Variants in TAB2 observed in about 807,000 individuals in gnomAD.
TAB2 encodes the protein TGF-beta-activated kinase 1 and MAP3K7-binding protein 2.
In TAB2, 3 loss-of-function variants were observed where a neutral mutation model predicts 65.0. The ratio of observed to expected loss-of-function variants is 0.05; its 90% confidence interval spans 0.02 to 0.12. The LOEUF (loss-of-function observed/expected upper bound fraction) is 0.12. Among genes scored for constraint, TAB2 ranks in the 10% least tolerant of loss-of-function variants. TAB2 has a pLI of 1.00. For missense variants in TAB2, 623 were observed against 840.3 expected (o/e 0.74, Z 3.20); for synonymous variants, 298 against 285.1 (o/e 1.05, Z -0.46).
intron 1 of TAB2, among the ~76,000 whole-genome samples, chr6:149,307,805 A>G (rs1779095990): frequency 6.6e-6 from 1 of 152,240 alleles, no homozygotes; most frequent in Non-Finnish European, 1.5e-5. Context: ...ATTGCTAAAA[A>G]TTCAGAAAAT....
At chr6:149,373,010 A>G (rs952838966) in intron 2 of TAB2, among the ~76,000 whole-genome samples, 4 of 152,168 alleles carry the variant, frequency 2.6e-5, no homozygotes, top group African/African-American at 9.7e-5. Flanking sequence ...TTCTTTTTAA[A>G]CATCTTGCTT....
rs574592943 is a variant in TAB2, at chr6:149,318,339, A to AG, written c.-90+328dup. 2.1e-3 allele frequency among the ~76,000 whole-genome samples: 318 copies of AG among 151,922 alleles called. 2 individuals are homozygous for AG. Among genetic ancestry groups the AG allele is most frequent in the African/African-American group, 7.3e-3 (303 of 41,434 alleles). On this transcript the variant is annotated intron_variant, in intron 1 of 6. Coordinates refer to ENST00000637181, the MANE Select transcript of TAB2 (RefSeq NM_001292034.3). ...AGAGCCCCGGGTGGGGGAGGGCGCA[A>AG]GGGGCTCGGGAGGGCCCCTCCCTGC...
chr6:149,389,474 C>T (rs987205476), intron 3 of TAB2, among the ~76,000 whole-genome samples: 6 of 151,730 alleles, frequency 4.0e-5, no homozygotes, highest in African/African-American at 9.7e-5. Flanking sequence ...GGAGAAACCC[C>T]GTCTTTACTA....
intron 1 of TAB2, among the ~76,000 whole-genome samples, chr6:149,220,168 C>T (rs497628): frequency 0.6 from 91,360 of 151,892 alleles, 27,899 homozygotes; most frequent in African/African-American, 0.72. Flanking sequence ...CAATCTGTTA[C>T]GCTGTCTTGG....
chr6:149,270,494 G>A (rs1481554938), intron 1 of TAB2, among the ~76,000 whole-genome samples: 2 of 152,098 alleles, frequency 1.3e-5, no homozygotes, highest in Non-Finnish European at 2.9e-5. Context: ...AAACCGCTAA[G>A]AGAGTAGATT....
At chr6:149,381,081 T>C (rs1454740556) in intron 3 of TAB2, among the ~76,000 whole-genome samples, 1 of 152,206 alleles carries the variant, frequency 6.6e-6, no homozygotes, top group Admixed American at 6.5e-5. Context: ...GGGCAACATA[T>C]CGAGATCCCT....
chr6:149,330,796 T>C (rs571420412), intron 1 of TAB2, among the ~76,000 whole-genome samples: 1 of 152,324 alleles, frequency 6.6e-6, no homozygotes, highest in South Asian at 2.1e-4. Context: ...GTTCATTTTG[T>C]GCATTTTTTT....
chr6:149,343,473 A>G (rs77676861), intron 1 of TAB2, among the ~76,000 whole-genome samples: 1 of 144,468 alleles, frequency 6.9e-6, no homozygotes, highest in Non-Finnish European at 1.5e-5. Context: ...CTCCGTCTCA[A>G]AAAAAAAAAA....
chr6:149,302,740 ATATC>A (rs1263437317), intron 1 of TAB2, among the ~76,000 whole-genome samples: 1 of 152,166 alleles, frequency 6.6e-6, no homozygotes, highest in Non-Finnish European at 1.5e-5. Context: ...ACTTGGGGTC[ATATC>A]TATCTATCTA....
intron 1 of TAB2, among the ~76,000 whole-genome samples, chr6:149,300,219 C>T (rs760401601): frequency 1.3e-5 from 2 of 152,162 alleles, no homozygotes; most frequent in Non-Finnish European, 2.9e-5. Flanking sequence ...AATATCTATA[C>T]ATTGTTAACA....
intron 1 of TAB2, among the ~76,000 whole-genome samples, chr6:149,268,551 T>A (rs889763195): frequency 1.3e-5 from 2 of 152,194 alleles, no homozygotes; most frequent in Non-Finnish European, 2.9e-5. Context: ...GACTGTGAGA[T>A]CCTTGCATTG....
chr6:149,341,561 A>C (rs1780128019), intron 1 of TAB2, among the ~76,000 whole-genome samples: 1 of 152,186 alleles, frequency 6.6e-6, no homozygotes, highest in African/African-American at 2.4e-5. Flanking sequence ...GTGATATTCC[A>C]TTTAATAAAA....
chr6:149,376,627 T>C (rs1460250621), intron 2 of TAB2, among the ~76,000 whole-genome samples: 9 of 152,230 alleles, frequency 5.9e-5, no homozygotes, highest in African/African-American at 1.2e-4. Context: ...ACTCAGTCCT[T>C]TCTTCGGTAG....
chr6:149,351,767 A>C (rs1019867085), intron 1 of TAB2, among the ~76,000 whole-genome samples: 6 of 152,222 alleles, frequency 3.9e-5, no homozygotes, highest in Non-Finnish European at 7.4e-5. Flanking sequence ...TTAGCCAGCT[A>C]TCACTGTGTA....
chr6:149,276,321 TTGGTTTA>T (rs1214497960), intron 1 of TAB2, among the ~76,000 whole-genome samples: 1 of 152,210 alleles, frequency 6.6e-6, no homozygotes, highest in African/African-American at 2.4e-5. Flanking sequence ...AATATGTTAA[TTGGTTTA>T]TACCTCTATA....
At chr6:149,403,313 T>TAG (rs1298336581) in intron 6 of TAB2, among the ~76,000 whole-genome samples, 1 of 66,868 alleles carries the variant, frequency 1.5e-5, no homozygotes. Flanking sequence ...TATATATATA[T>TAG]ACACACACAT....
At chr6:149,261,994 T>C (rs1278403825) in intron 1 of TAB2, among the ~76,000 whole-genome samples, 2 of 152,222 alleles carry the variant, frequency 1.3e-5, no homozygotes, top group East Asian at 1.9e-4. Context: ...TTAAATGTGA[T>C]CTTGAATAGC....
At chr6:149,302,725 G>A (rs1187585115) in intron 1 of TAB2, among the ~76,000 whole-genome samples, 1 of 152,124 alleles carries the variant, frequency 6.6e-6, no homozygotes, top group African/African-American at 2.4e-5. Flanking sequence ...ATCTTTCTTT[G>A]CTTCACTTGG....
chr6:149,263,848 C>T (rs928525761), intron 1 of TAB2, among the ~76,000 whole-genome samples: 4 of 152,222 alleles, frequency 2.6e-5, no homozygotes, highest in African/African-American at 9.6e-5. Flanking sequence ...CACAGGCTGC[C>T]ATCTCTGTAG....
Sources: gnomAD v4.1 joint callset for allele counts (sites outside exome capture counted in the v4.1 genomes callset) on GRCh38, gnomAD v4.1.1 for gene constraint, MANE v1.5 for transcripts, NCBI Gene and HGNC (gene_info 2026-07-23, HGNC 2026-07-21) for gene names.